The following SHLD1 variants were observed in gnomAD, a reference collection of about 807,000 sequenced individuals.
SHLD1 encodes RINN1-REV7-interacting novel NHEJ regulator 3.
In SHLD1, 3 loss-of-function variants were observed where a neutral mutation model predicts 5.5. The observed-to-expected ratio is 0.54, with a 90% CI of 0.25 to 1.40. The LOEUF is 1.40. Among genes scored for constraint, SHLD1 ranks in the 40% most tolerant of loss-of-function variants. SHLD1 has a pLI of 0.15. For synonymous variants in SHLD1, 92 were observed against 94.3 expected (o/e 0.98, Z 0.14); for missense variants, 210 against 244.4 (o/e 0.86, Z 0.94).
chr20:5,783,355 C>G (rs1427944447), intron 2 of SHLD1, among the ~76,000 whole-genome samples: 2 of 152,180 alleles, frequency 1.3e-5, no homozygotes, highest in Admixed American at 1.3e-4. Context: ...TCCCGAGTAG[C>G]TGGCACTACA....
In SHLD1 at chr20:5,863,075, T is replaced by A; in HGVS notation, c.230T>A (p.Phe77Tyr). The part of the protein sequence containing the change: ...EQNNSWTAEN[F>Y]WLDPAVKGQS... ...AATAACTCCTGGACCGCTGAGAACTTCTGGCTTGACCCTGCTGTGAAAGGC... is the reference window on the plus strand; with the variant it reads ...AATAACTCCTGGACCGCTGAGAACTACTGGCTTGACCCTGCTGTGAAAGGC... The change falls in exon 3 of 3, where the codon TTC becomes TAC. Residue 77 changes from phenylalanine to tyrosine, a missense_variant. Physicochemically the swap from Phe to Tyr is conservative, Grantham distance 22. Transcript: ENST00000303142. The A allele has an allele frequency of 6.2e-7, 1 of 1,614,020 alleles. No homozygotes were observed. Among genetic ancestry groups the A allele is most frequent in the Non-Finnish European group, 8.5e-7 (1 of 1,179,972 alleles).
intron 1 of SHLD1, among the ~76,000 whole-genome samples, chr20:5,753,538 A>G (rs1411066648): frequency 6.6e-6 from 1 of 152,222 alleles, no homozygotes; most frequent in African/African-American, 2.4e-5. Context: ...TCAAGCTGCA[A>G]GCGTAGATAA....
intron 2 of SHLD1, among the ~76,000 whole-genome samples, chr20:5,846,310 T>A (rs2087932120): frequency 6.6e-6 from 1 of 152,246 alleles, no homozygotes; most frequent in Non-Finnish European, 1.5e-5. Flanking sequence ...TGAATATGTA[T>A]GTATCAAGCA....
chr20:5,791,565 A>AG (rs1035447727), intron 2 of SHLD1, among the ~76,000 whole-genome samples: 2 of 92,698 alleles, frequency 2.2e-5, no homozygotes, highest in African/African-American at 6.5e-5. Context: ...CCCTGTCTCA[A>AG]AAAAAAAAAA....
chr20:5,838,475 T>C (rs1366316256), intron 2 of SHLD1, among the ~76,000 whole-genome samples: 2 of 152,182 alleles, frequency 1.3e-5, no homozygotes, highest in African/African-American at 2.4e-5. Context: ...AAAAGATAAA[T>C]TTTGGCAGGG....
intron 2 of SHLD1, among the ~76,000 whole-genome samples, chr20:5,846,963 C>G (rs1407865860): frequency 6.6e-6 from 1 of 152,170 alleles, no homozygotes; most frequent in African/African-American, 2.4e-5. Flanking sequence ...ATGCTGTAAG[C>G]CGGTAGTTCC....
chr20:5,853,166 G>T (rs1412067015), intron 2 of SHLD1, among the ~76,000 whole-genome samples: 1 of 152,198 alleles, frequency 6.6e-6, no homozygotes, highest in Admixed American at 6.5e-5. Context: ...TAACAAGAGA[G>T]ACAAAAATCC....
rs1374036665 is a variant in SHLD1, at chr20:5,844,773, A to G, written c.179-18251A>G. On this transcript the variant is annotated intron_variant, in intron 2 of 2. Coordinates refer to ENST00000303142, the MANE Select transcript of SHLD1 (RefSeq NM_152504.4). ...ATATCTATCACTGTGTAGTAGACAT[A>G]TATATATATATATATATATATATAT... Among the ~76,000 whole-genome samples, 27 of 39,400 alleles carry G rather than the reference A, an allele frequency of 6.9e-4. 1 individual carries two copies. In the South Asian group the frequency reaches 0.026, roughly 38 times the overall value. The allele number at this position is 39,400 out of a possible 152,430, so 25.8% of individuals were successfully genotyped here.
chr20:5,801,956 ATG>A, intron 2 of SHLD1, among the ~76,000 whole-genome samples: 1 of 152,230 alleles, frequency 6.6e-6, no homozygotes. Context: ...GCTACATTGG[ATG>A]TTCTCAGTGG....
chr20:5,787,372 C>T (rs1246283418), intron 2 of SHLD1, among the ~76,000 whole-genome samples: 1 of 152,256 alleles, frequency 6.6e-6, no homozygotes, highest in Non-Finnish European at 1.5e-5. Flanking sequence ...TTATTCTTGG[C>T]TCTTTGCCCT....
chr20:5,760,967 C>T (rs1205883019), intron 1 of SHLD1, among the ~76,000 whole-genome samples: 3 of 150,888 alleles, frequency 2.0e-5, no homozygotes, highest in Admixed American at 2.0e-4. Flanking sequence ...GGGGTTTTGC[C>T]AAAGGGGTGT....
chr20:5,781,992 G>T (rs1307906421), intron 2 of SHLD1, among the ~76,000 whole-genome samples: 1 of 152,142 alleles, frequency 6.6e-6, no homozygotes, highest in Non-Finnish European at 1.5e-5. Flanking sequence ...ATTAACACAG[G>T]CCTGCCAGTC....
At position 5,855,928 on chromosome 20, in the gene SHLD1, TCA is replaced by T. The variant is rs1017587514; in HGVS notation, c.179-7094_179-7093del. 6.6e-6 allele frequency among the ~76,000 whole-genome samples: 1 copy of T among 152,216 alleles called. No homozygotes were observed. Among genetic ancestry groups the T allele is most frequent in the African/African-American group, 2.4e-5 (1 of 41,454 alleles). On this transcript the variant is annotated intron_variant, in intron 2 of 2. Coordinates refer to ENST00000303142, the MANE Select transcript of SHLD1 (RefSeq NM_152504.4). This position sits in a 1 kb window ranked among gnomAD's most constrained non-coding sequence, Gnocchi z 4.4. ...AACAGAAGTAATAGAGCTGTCCCAG[TCA>T]CTGCTGATTTCCCCATACTCTTTTT... is the stretch of plus-strand genomic sequence containing the variant.
chr20:5,780,424 G>A (rs1229511417), intron 2 of SHLD1, among the ~76,000 whole-genome samples: 1 of 152,162 alleles, frequency 6.6e-6, no homozygotes, highest in Non-Finnish European at 1.5e-5. Flanking sequence ...GCACGCTGGA[G>A]AGAATACCCA....
chr20:5,793,726 A>G (rs2087173122), intron 2 of SHLD1, among the ~76,000 whole-genome samples: 1 of 151,470 alleles, frequency 6.6e-6, no homozygotes, highest in South Asian at 2.1e-4. Flanking sequence ...TCTCTCTGGT[A>G]TTTTTTTTCT....
intron 1 of SHLD1, among the ~76,000 whole-genome samples, chr20:5,766,079 T>C (rs1003780335): frequency 6.6e-6 from 1 of 152,170 alleles, no homozygotes; most frequent in Admixed American, 6.6e-5. Context: ...CAGTTGATGG[T>C]TGATTTCACG....
At chr20:5,840,473 AT>A (rs1180387129) in intron 2 of SHLD1, among the ~76,000 whole-genome samples, 1 of 152,062 alleles carries the variant, frequency 6.6e-6, no homozygotes, top group Non-Finnish European at 1.5e-5. Flanking sequence ...TAGGACCTTC[AT>A]TTTTTGCTGG....
intron 1 of SHLD1, among the ~76,000 whole-genome samples, chr20:5,766,089 G>A (rs1036704311): frequency 4.6e-5 from 7 of 152,026 alleles, no homozygotes; most frequent in African/African-American, 1.2e-4. Context: ...TTGATTTCAC[G>A]GCACCTTTGC....
intron 2 of SHLD1, among the ~76,000 whole-genome samples, chr20:5,808,904 G>C (rs1238651452): frequency 2.6e-5 from 4 of 152,166 alleles, no homozygotes. Context: ...GTTTAGTTGG[G>C]TTAATATTAT....
Sources: gnomAD v4.1 joint callset for allele counts (sites outside exome capture counted in the v4.1 genomes callset) on GRCh38, gnomAD v4.1.1 for gene constraint, Gnocchi (gnomAD v3.1) non-coding constraint, MANE v1.5 for transcripts, NCBI Gene and HGNC (gene_info 2026-07-23, HGNC 2026-07-21) for gene names.